FUBP1: variants seen among roughly 807,000 people sequenced by gnomAD.
FUBP1 encodes the protein far upstream element-binding protein 1.
Under a neutral mutation model 94.9 loss-of-function variants are expected in FUBP1, and 16 were observed. The ratio of observed to expected loss-of-function variants is 0.17; its 90% CI spans 0.11 to 0.26. FUBP1 has a LOEUF of 0.26. Among genes scored for constraint, FUBP1 ranks in the 10% least tolerant of loss-of-function variants. The pLI, the probability that FUBP1 is intolerant of heterozygous loss-of-function variation, is 1.00. For missense variants in FUBP1, 583 were observed against 808.6 expected, an observed-to-expected ratio of 0.72 and a Z score of 3.38; for synonymous variants, 279 against 254.9, an observed-to-expected ratio of 1.09 and a Z score of -0.90.
chr1:77,956,096 A>G (rs983549589), intron 17 of FUBP1, among the ~76,000 whole-genome samples: 1 of 152,226 alleles, frequency 6.6e-6, no homozygotes, highest in Non-Finnish European at 1.5e-5. Context: ...TACTGCAAAA[A>G]TCAGAAATCC....
Position 77,956,616 on chromosome 1 carries a change from G to C in FUBP1, c.1661C>G (p.Ala554Gly). Residue 554 changes from alanine (A) to glycine (G), a missense_variant, in exon 17 of 20, where the codon GCA becomes GGA. Coordinates refer to ENST00000370768, the MANE Select transcript of FUBP1 (RefSeq NM_003902.5). ...TGTAGTTGGTGCACCTGCAGGGGCT[G>C]CTGGTGGTGGCTGTGCTTGCTGTTG... The part of the protein sequence containing the change: ...YYQQQAQPPP[A>G]APAGAPTTTQ... 1 of 1,611,990 alleles carries C rather than the reference G, an allele frequency of 6.2e-7. No homozygotes were observed. The highest frequency in any genetic ancestry group is 8.5e-7 in the Non-Finnish European group (1 of 1,178,112).
chr1:77,961,210 C>T (rs537056950), intron 14 of FUBP1, among the ~76,000 whole-genome samples: 1 of 152,320 alleles, frequency 6.6e-6, no homozygotes, highest in East Asian at 1.9e-4. Context: ...CCAACAAAGA[C>T]ATTACACTTA....
Position 77,964,971 on chromosome 1 carries a change from G to A in FUBP1, c.637-3C>T, listed in dbSNP as rs750748867. 1.2e-6 allele frequency: 2 copies of A among 1,607,688 alleles called. No individual in the cohort carries two copies. The highest frequency in any genetic ancestry group is 1.7e-6 in the Non-Finnish European group (2 of 1,174,362). ...ACCATTTTAACTCCAGCCCGTTCCT[G>A]TTACAATCATAGAAATAATATATAT... On this transcript the variant is annotated splice_polypyrimidine_tract_variant and splice_region_variant and intron_variant, in intron 8 of 19. Transcript: ENST00000370768.
rs1473032884 is a variant in FUBP1, at chr1:77,955,504, T to C, written c.1706-175A>G. 3 of 544,490 alleles carry C rather than the reference T, an allele frequency of 5.5e-6. No homozygotes were observed. The African/African-American group carries it at 5.8e-5, about 11-fold the overall frequency. 33.7% of individuals were successfully genotyped at this position (544,490 alleles called of 1,614,324 possible). Reference sequence around the variant, plus strand: ...TGCCAAAGATAGAAGGTACTGGGGGTACAGAGGTGGTGGACAGAAAAGAAA... The same window carrying C: ...TGCCAAAGATAGAAGGTACTGGGGGCACAGAGGTGGTGGACAGAAAAGAAA... On this transcript the variant is annotated intron_variant, in intron 17 of 19. Transcript: ENST00000370768.
intron 7 of FUBP1, 128 bp from the exon 8 acceptor site, chr1:77,965,359 C>CT (rs1468105857): frequency 8.3e-6 from 4 of 481,628 alleles, no homozygotes; most frequent in Non-Finnish European, 1.4e-5. Context: ...TTGATGCTAA[C>CT]TTTAACAATG....
Position 77,967,607 on chromosome 1 carries a change from T to C in FUBP1, c.290+20A>G, listed in dbSNP as rs1656752782. On this transcript the variant is annotated intron_variant, in intron 4 of 19. Coordinates refer to ENST00000370768, the MANE Select transcript of FUBP1 (RefSeq NM_003902.5). The stretch of plus-strand genomic sequence containing the variant: ...CAACCAAAACTTGCAGAGTACTTTT[T>C]GAAAATCTTGTGACTATACCTTTGC... 3 of 1,580,352 alleles carry C rather than the reference T, an allele frequency of 1.9e-6. No homozygotes were observed. The highest frequency in any genetic ancestry group is 2.6e-6 in the Non-Finnish European group (3 of 1,154,938).
intron 19 of FUBP1, 95 bp from the exon 20 acceptor site, chr1:77,948,869 G>C (rs888473599): frequency 1.3e-6 from 2 of 1,547,632 alleles, no homozygotes; most frequent in African/African-American, 1.4e-5. Flanking sequence ...GAAAGAAAAA[G>C]TGGTTAATAT....
At chr1:77,966,546 G>A (rs560617569) in intron 7 of FUBP1, 148 bp downstream of exon 7, 35 of 612,604 alleles carry the variant, frequency 5.7e-5, no homozygotes, top group South Asian at 5.6e-4. Context: ...AAGGCATGAG[G>A]CATAAACTTC....
At chr1:77,952,427 T>C (rs1375383927) in intron 18 of FUBP1, among the ~76,000 whole-genome samples, 3 of 150,708 alleles carry the variant, frequency 2.0e-5, no homozygotes, top group Non-Finnish European at 4.4e-5. Context: ...ATGAATGGAG[T>C]TTTCTGTTCT....
Position 77,964,116 on chromosome 1 carries a change from T to G in FUBP1, c.987A>C (p.Pro329=), listed in dbSNP as rs1218671197. ...PERIAQITGP[P]DRCQHAAEII... ...TTTCTGCAGCATGTTGACATCGGTCTGGAGGTCCTGTTATTTGTGCTATCC... is the reference window on the plus strand; with the variant it reads ...TTTCTGCAGCATGTTGACATCGGTCGGGAGGTCCTGTTATTTGTGCTATCC... Residue 329 remains proline (P), a synonymous_variant, in exon 12 of 20, where the codon CCA becomes CCC. Coordinates refer to ENST00000370768, the MANE Select transcript of FUBP1 (RefSeq NM_003902.5). 6.2e-7 allele frequency: 1 copy of G among 1,609,476 alleles called. No individual in the cohort carries two copies. The highest frequency in any genetic ancestry group is 8.5e-7 in the Non-Finnish European group (1 of 1,175,722).
chr1:77,954,179 A>G (rs1252277120), intron 18 of FUBP1, among the ~76,000 whole-genome samples: 4 of 152,232 alleles, frequency 2.6e-5, no homozygotes, highest in African/African-American at 7.2e-5. Context: ...TAAGTTGATT[A>G]CAGGTCCTGA....
chr1:77,957,067 T>C (rs1654603152), intron 16 of FUBP1, among the ~76,000 whole-genome samples: 1 of 152,292 alleles, frequency 6.6e-6, no homozygotes, highest in Admixed American at 6.5e-5. Flanking sequence ...ATCTAGAAGA[T>C]GACTAAAGAA....
intron 16 of FUBP1, among the ~76,000 whole-genome samples, chr1:77,957,352 T>C (rs921167655): frequency 2.6e-5 from 4 of 152,162 alleles, no homozygotes; most frequent in African/African-American, 9.7e-5. Context: ...TTCAGCCTCA[T>C]CTCTCCCTTT....
chr1:77,978,763 T>A (rs1659258364), intron 1 of FUBP1, 122 bp downstream of exon 1: 1 of 1,243,108 alleles, frequency 8.0e-7, no homozygotes, highest in African/African-American at 1.5e-5. Flanking sequence ...ACGTGTCTCT[T>A]CACATTTCAG....
At position 77,965,078 on chromosome 1, in the gene FUBP1, T is replaced by C. The variant is rs991683977; in HGVS notation, c.627A>G (p.Lys209=). The change falls in exon 8 of 20, where the codon AAA becomes AAG. Residue 209 remains lysine, a synonymous_variant. Coordinates refer to ENST00000370768, the MANE Select transcript of FUBP1 (RefSeq NM_003902.5). ...LVIGKGGETI[K]QLQERAGVKM... is the part of the protein sequence containing the mutation. ...ACAAAAATAACAATACCTGAAGCTGTTTAATAGTTTCTCCCCCTTTTCCAA... is the reference window on the plus strand; with the variant it reads ...ACAAAAATAACAATACCTGAAGCTGCTTAATAGTTTCTCCCCCTTTTCCAA... The C allele has an allele frequency of 6.2e-7, 1 of 1,611,568 alleles. No homozygotes were observed. The highest frequency in any genetic ancestry group is 8.5e-7 in the Non-Finnish European group (1 of 1,177,890).
At chr1:77,968,953 C>T (rs1473946078) in intron 2 of FUBP1, 4 of 488,470 alleles carry the variant, frequency 8.2e-6, no homozygotes, top group African/African-American at 4.1e-5. Context: ...ATATTTGTGT[C>T]CATTTAAGAA....
intron 1 of FUBP1, among the ~76,000 whole-genome samples, chr1:77,971,693 A>C (rs1657565542): frequency 6.7e-6 from 1 of 150,074 alleles, no homozygotes. Context: ...CAAGTACTAG[A>C]TTGCTTGATA....
intron 1 of FUBP1, among the ~76,000 whole-genome samples, chr1:77,974,446 T>C (rs530625256): frequency 1.3e-5 from 2 of 152,240 alleles, no homozygotes; most frequent in South Asian, 4.1e-4. Flanking sequence ...TTTTGGTATT[T>C]TTTATAGAAA....
intron 17 of FUBP1, 45 bp downstream of exon 17, chr1:77,956,527 C>G: frequency 6.8e-7 from 1 of 1,470,076 alleles, no homozygotes; most frequent in Non-Finnish European, 9.5e-7. Flanking sequence ...TATATAATTC[C>G]AAGCACAACT....
Sources: gnomAD v4.1 joint callset for allele counts (sites outside exome capture counted in the v4.1 genomes callset) on GRCh38, gnomAD v4.1.1 for gene constraint, MANE v1.5 for transcripts, NCBI Gene and HGNC (gene_info 2026-07-23, HGNC 2026-07-21) for gene names.